TUBGCP5: variants seen among roughly 807,000 people sequenced by gnomAD.
TUBGCP5 encodes the protein gamma-tubulin complex component 5.
In TUBGCP5, 98 loss-of-function variants were observed where a neutral mutation model predicts 134.7. That is an observed-to-expected ratio of 0.73 (90% CI 0.62 to 0.86). TUBGCP5 has a LOEUF of 0.86. Among genes scored for constraint, TUBGCP5 ranks in the 40% least tolerant of loss-of-function variants. TUBGCP5 has a pLI of 0.00. For missense variants in TUBGCP5, 1,150 were observed against 1,244.8 expected (o/e 0.92, Z 1.15); for synonymous variants, 456 against 431.4 (o/e 1.06, Z -0.71).
chr15:22,995,691 A>G (rs1033046344), downstream of TUBGCP5, among the ~76,000 whole-genome samples: 5 of 152,108 alleles, frequency 3.3e-5, no homozygotes, highest in African/African-American at 1.2e-4. Context: ...CACACTTGAT[A>G]CAATTCAATG....
In TUBGCP5 at chr15:23,011,912, T is replaced by C. The variant is rs546613743; in HGVS notation, c.1757-581A>G. ...GGGTGGATCACTTAAGCTCAGGAGT[T>C]TGAGACCAGCCTGGGCAACATGGTG... On this transcript the variant is annotated intron_variant, in intron 13 of 22. Coordinates refer to ENST00000615383, the MANE Select transcript of TUBGCP5 (RefSeq NM_052903.6). 3.1e-3 allele frequency among the ~76,000 whole-genome samples: 473 copies of C among 150,768 alleles called. 1 individual carries two copies. The highest frequency in any genetic ancestry group is 5.9e-3 in the Non-Finnish European group (399 of 67,496).
intron 11 of TUBGCP5, 97 bp from the exon 12 acceptor site, chr15:23,019,431 T>C: frequency 2.6e-6 from 2 of 770,366 alleles, no homozygotes; most frequent in South Asian, 3.2e-5. Context: ...AAAAAAGTGA[T>C]CGGATTTCTA....
intron 1 of TUBGCP5, among the ~76,000 whole-genome samples, chr15:23,038,183 AT>A (rs1366621475): frequency 1.3e-5 from 2 of 152,190 alleles, no homozygotes; most frequent in African/African-American, 2.4e-5. Context: ...TATGCAAAAA[AT>A]GTTTTCCATT....
intron 6 of TUBGCP5, among the ~76,000 whole-genome samples, 174 bp from the exon 7 acceptor site, chr15:23,027,480 T>A (rs1438764109): frequency 6.6e-6 from 1 of 152,152 alleles, no homozygotes; most frequent in Non-Finnish European, 1.5e-5. Flanking sequence ...TGCTGGGTTC[T>A]ATGGCTCACA....
chr15:22,990,278 C>T (rs146815071), intron 23 of TUBGCP5, among the ~76,000 whole-genome samples: 223 of 152,012 alleles, frequency 1.5e-3, no homozygotes, highest in Non-Finnish European at 2.4e-3. Flanking sequence ...CATCTCTCTC[C>T]TCCTCCTGCT....
At position 23,009,994 on chromosome 15, in the gene TUBGCP5, A is replaced by C; in HGVS notation, c.2095T>G (p.Tyr699Asp). Residue 699 changes from tyrosine (Y) to aspartate (D), a missense_variant, in exon 15 of 23, where the codon TAT becomes GAT. Tyr to Asp is a radical substitution (Grantham distance 160, BLOSUM62 -3). Coordinates refer to ENST00000615383, the MANE Select transcript of TUBGCP5 (RefSeq NM_052903.6). ...SCLYPHIDKQYLDCCGNLMQT... is the reference protein window; with the variant it reads ...SCLYPHIDKQDLDCCGNLMQT... Reference sequence around the variant, plus strand: ...ATGAGATTTCCACAGCAATCTAGATACTGCTTGTCAATATGAGGATAGAGG... The same window carrying C: ...ATGAGATTTCCACAGCAATCTAGATCCTGCTTGTCAATATGAGGATAGAGG... 1 of 1,614,120 alleles carries C rather than the reference A, an allele frequency of 6.2e-7. No individual in the cohort carries two copies. Among genetic ancestry groups the C allele is most frequent in the Non-Finnish European group, 8.5e-7 (1 of 1,180,002 alleles).
intron 8 of TUBGCP5, among the ~76,000 whole-genome samples, chr15:23,025,102 A>G (rs1421500833): frequency 1.3e-5 from 2 of 152,042 alleles, no homozygotes; most frequent in Non-Finnish European, 2.9e-5. Flanking sequence ...GGGTTTCACC[A>G]TGTTGCCCAG....
At chr15:23,016,456 T>C (rs934555414) in intron 13 of TUBGCP5, among the ~76,000 whole-genome samples, 2 of 145,474 alleles carry the variant, frequency 1.4e-5, no homozygotes, top group Non-Finnish European at 3.0e-5. Context: ...ATTGCACCAC[T>C]GCACTCCAGC....
Position 23,005,480 on chromosome 15 carries a change from C to T in TUBGCP5, c.2664G>A (p.Val888=), listed in dbSNP as rs61739977. ...AGCTGTTCACGAAATGCATGAGCTT[C>T]ACTCTTAAGAGGAACATGCGATGAA... ...QQIHRMFLLR[V]KLMHFVNSLH... The change falls in exon 19 of 23, where the codon GTG becomes GTA. Residue 888 remains valine (V), a synonymous_variant. Coordinates refer to ENST00000615383, the MANE Select transcript of TUBGCP5 (RefSeq NM_052903.6). 7.3e-4 allele frequency: 1,180 copies of T among 1,614,192 alleles called. 11 individuals are homozygous for T. The African/African-American group carries it at 0.014, about 20-fold the overall frequency.
chr15:22,999,710 C>A lies in TUBGCP5; in HGVS notation c.*110G>T, dbSNP rs941049224. The A allele has an allele frequency of 7.9e-7, 1 of 1,263,632 alleles. No individual in the cohort carries two copies. Among genetic ancestry groups the A allele is most frequent in the Non-Finnish European group, 1.1e-6 (1 of 880,230 alleles). The allele number at this position is 1,263,632 out of a possible 1,614,324, so 78.3% of individuals were successfully genotyped here. ...GCGACTGTGCCAGGCTGACTGTGGA[C>A]AAGTTTTACAAATAAACCAAAATAA... On this transcript the variant is annotated 3_prime_UTR_variant, in exon 23 of 23. Coordinates refer to ENST00000615383, the MANE Select transcript of TUBGCP5 (RefSeq NM_052903.6).
downstream of TUBGCP5, among the ~76,000 whole-genome samples, chr15:22,994,300 G>C (rs2063971476): frequency 6.6e-6 from 1 of 151,848 alleles, no homozygotes; most frequent in Non-Finnish European, 1.5e-5. Context: ...ATATTGGCCA[G>C]GTTGGTCTTG....
At chr15:23,015,407 C>T (rs1423104650) in intron 13 of TUBGCP5, among the ~76,000 whole-genome samples, 1 of 146,978 alleles carries the variant, frequency 6.8e-6, no homozygotes, top group African/African-American at 2.5e-5. Flanking sequence ...TTTGGGAGGC[C>T]GAGGCGGGTG....
chr15:23,015,290 T>C (rs2065247131), intron 13 of TUBGCP5, among the ~76,000 whole-genome samples: 1 of 151,656 alleles, frequency 6.6e-6, no homozygotes, highest in African/African-American at 2.4e-5. Flanking sequence ...TTCACCATGT[T>C]GGCCAGGCTG....
At chr15:23,019,501 A>AT in intron 11 of TUBGCP5, 167 bp from the exon 12 acceptor site, 1 of 594,548 alleles carries the variant, frequency 1.7e-6, no homozygotes, top group Non-Finnish European at 3.0e-6. Context: ...AATCCTTATG[A>AT]AAAACTCACC....
chr15:23,000,561 A>G lies in TUBGCP5; in HGVS notation c.3028+8T>C, dbSNP rs758435417. ...AGAGGTAGAAATATTTTAACATGATATACTCACAATGGGGAAAGGATCCTC... is the reference window on the plus strand; with the variant it reads ...AGAGGTAGAAATATTTTAACATGATGTACTCACAATGGGGAAAGGATCCTC... On this transcript the variant is annotated splice_region_variant and intron_variant, in intron 22 of 22. Coordinates refer to ENST00000615383, the MANE Select transcript of TUBGCP5 (RefSeq NM_052903.6). 2.5e-6 allele frequency: 4 copies of G among 1,611,296 alleles called. No individual in the cohort carries two copies. The East Asian group carries it at 8.9e-5, about 36-fold the overall frequency.
intron 3 of TUBGCP5, among the ~76,000 whole-genome samples, chr15:23,036,180 C>A (rs1039027227): frequency 6.6e-6 from 1 of 152,174 alleles, no homozygotes; most frequent in Non-Finnish European, 1.5e-5. Context: ...CAGCTAAGGT[C>A]AGCCATGTGG....
chr15:23,017,404 C>CA (rs2065397643), intron 13 of TUBGCP5, among the ~76,000 whole-genome samples: 1 of 151,958 alleles, frequency 6.6e-6, no homozygotes, highest in South Asian at 2.1e-4. Context: ...ATATATGTAT[C>CA]AAAACATCAC....
intron 8 of TUBGCP5, among the ~76,000 whole-genome samples, chr15:23,025,125 C>T (rs1462755860): frequency 6.6e-6 from 1 of 152,124 alleles, no homozygotes; most frequent in African/African-American, 2.4e-5. Flanking sequence ...TGGTCTCGAA[C>T]TCCTGAGCTC....
downstream of TUBGCP5, among the ~76,000 whole-genome samples, chr15:22,997,733 T>C (rs1215577084): frequency 6.6e-6 from 1 of 151,780 alleles, no homozygotes; most frequent in Admixed American, 6.6e-5. Context: ...TTCTCTGGCC[T>C]CAGCCTCCTG....
Sources: allele counts gnomAD v4.1 joint callset (sites outside exome capture counted in the v4.1 genomes callset), GRCh38; gene constraint gnomAD v4.1.1; transcripts MANE v1.5; gene names NCBI Gene and HGNC (gene_info 2026-07-23, HGNC 2026-07-21).